The following KPNA6 variants were observed in gnomAD, a reference collection of about 807,000 sequenced individuals.
KPNA6 encodes the protein karyopherin subunit alpha 6, also known as importin subunit alpha-7.
KPNA6 carries 9 observed loss-of-function variants against 72.0 expected under a neutral mutation model. The ratio of observed to expected loss-of-function variants is 0.13; its 90% CI spans 0.08 to 0.22. The LOEUF is 0.22. Ranked by LOEUF, KPNA6 falls within the 10% of genes least tolerant of loss-of-function variation. The probability of loss-of-function intolerance (pLI) is 1.00; values close to 1 mark genes in which losing one functional copy is unlikely to be tolerated. For missense variants in KPNA6, 374 were observed against 655.7 expected (o/e 0.57, Z 4.69); for synonymous variants, 219 against 242.1 (o/e 0.90, Z 0.89).
At chr1:32,162,605 G>C (rs1197076636) in intron 9 of KPNA6, 81 bp downstream of exon 9, 2 of 1,473,372 alleles carry the variant, frequency 1.4e-6, no homozygotes, top group East Asian at 2.3e-5. Flanking sequence ...GGGATGCCAA[G>C]GTGGGCGGAT....
rs1642165818 is a variant in KPNA6 at position 32,157,529 on chromosome 1, C to G, written c.331+84C>G. On this transcript the variant is annotated intron_variant, in intron 4 of 13. Transcript: ENST00000373625. ...CTGATGTCATCAACTTACACGTGCC[C>G]TCACTCATTCTGCTCTAGCCCTACT... 4 of 931,880 alleles carry G rather than the reference C, an allele frequency of 4.3e-6. No individual in the cohort carries two copies. In the Admixed American group the frequency reaches 7.9e-5, roughly 18 times the overall value. 57.7% of individuals were successfully genotyped at this position (931,880 alleles called of 1,614,324 possible).
Position 32,137,090 on chromosome 1 carries a change from G to A in KPNA6, c.5-17498G>A, listed in dbSNP as rs563530713. ...GTGCTCATTTTACTTTATTTTGGAT[G>A]ACGGGTAGCTGACATGCCAAAATGC... On this transcript the variant is annotated intron_variant, in intron 1 of 13. Transcript: ENST00000373625. 2.6e-5 allele frequency among the ~76,000 whole-genome samples: 4 copies of A among 152,252 alleles called. No homozygotes were observed. The South Asian group carries it at 8.3e-4, about 32-fold the overall frequency.
In KPNA6 at chr1:32,172,915, T is replaced by A; in HGVS notation, c.*2021T>A. The stretch of plus-strand genomic sequence containing the variant: ...TATAGACCTAAAGTTCAGGTACTTA[T>A]TATTGGCCATTGATCTTGAATTTGC... On this transcript the variant is annotated 3_prime_UTR_variant, in exon 14 of 14. Coordinates refer to ENST00000373625, the MANE Select transcript of KPNA6 (RefSeq NM_012316.5). The A allele has an allele frequency of 5.0e-6, 2 of 396,054 alleles. No homozygotes were observed. Among genetic ancestry groups the A allele is most frequent in the Non-Finnish European group, 8.9e-6 (2 of 225,050 alleles). The allele number at this position is 396,054 out of a possible 1,614,324, so 24.5% of individuals were successfully genotyped here.
In KPNA6 at chr1:32,173,043, G is replaced by A. The variant is rs867038416; in HGVS notation, c.*2149G>A. 1 of 398,172 alleles carries A rather than the reference G, an allele frequency of 2.5e-6. No homozygotes were observed. The highest frequency in any genetic ancestry group is 2.1e-5 in the African/African-American group (1 of 48,574). The allele number at this position is 398,172 out of a possible 1,614,324, so 24.7% of individuals were successfully genotyped here. The stretch of plus-strand genomic sequence containing the variant: ...AATCCCACCCATGTTGTACCACCTT[G>A]GTGAGTCATATGCCACTCATCAGCT... On this transcript the variant is annotated 3_prime_UTR_variant, in exon 14 of 14. Transcript: ENST00000373625.
At chr1:32,168,894 A>C (rs1642385213) in intron 12 of KPNA6, among the ~76,000 whole-genome samples, 1 of 152,148 alleles carries the variant, frequency 6.6e-6, no homozygotes, top group African/African-American at 2.4e-5. Flanking sequence ...AGCCTGTGAA[A>C]AATTTTATGC....
intron 1 of KPNA6, among the ~76,000 whole-genome samples, chr1:32,119,972 G>C (rs935045619): frequency 1.3e-5 from 2 of 151,520 alleles, no homozygotes; most frequent in Non-Finnish European, 2.9e-5. Context: ...TTCTGACCTC[G>C]TGATTCACCT....
chr1:32,168,603 A>C (rs1642379771), intron 12 of KPNA6, among the ~76,000 whole-genome samples: 1 of 152,230 alleles, frequency 6.6e-6, no homozygotes, highest in African/African-American at 2.4e-5. Context: ...GTATATATAA[A>C]GTCTTAGGAG....
chr1:32,137,752 A>G (rs1360611317), intron 1 of KPNA6, among the ~76,000 whole-genome samples: 1 of 152,170 alleles, frequency 6.6e-6, no homozygotes, highest in African/African-American at 2.4e-5. Context: ...ATTTGGAGTA[A>G]CAGATAAAAA....
intron 1 of KPNA6, among the ~76,000 whole-genome samples, chr1:32,143,662 T>C (rs1291346568): frequency 1.3e-5 from 2 of 151,972 alleles, no homozygotes; most frequent in Non-Finnish European, 2.9e-5. Flanking sequence ...ACAGTGGCAT[T>C]AATTACAGTT....
At chr1:32,166,313 A>C in intron 11 of KPNA6, 83 bp downstream of exon 11, 1 of 1,489,838 alleles carries the variant, frequency 6.7e-7, no homozygotes, top group Non-Finnish European at 9.0e-7. Flanking sequence ...CAGAAGAAAG[A>C]ATTTGTTTCC....
chr1:32,112,884 A>C lies in KPNA6; in HGVS notation c.4+4750A>C, dbSNP rs191374439. ...TTTGCTGGTGGAGGGTCTTACCTTG[A>C]TGTTGATGGCTGCTGAGACTGATCA... On this transcript the variant is annotated intron_variant, in intron 1 of 13. Transcript: ENST00000373625. Among the ~76,000 whole-genome samples, 236 of 152,266 alleles carry C rather than the reference A, an allele frequency of 1.5e-3. 1 individual carries two copies. The highest frequency in any genetic ancestry group is 5.6e-3 in the African/African-American group (233 of 41,548).
chr1:32,111,379 C>T (rs1641241396), intron 1 of KPNA6, among the ~76,000 whole-genome samples: 1 of 152,170 alleles, frequency 6.6e-6, no homozygotes, highest in Non-Finnish European at 1.5e-5. Context: ...GAAAGTTCTT[C>T]AGTGGAGCAA....
intron 2 of KPNA6, among the ~76,000 whole-genome samples, chr1:32,156,602 G>A (rs967097029): frequency 6.6e-5 from 10 of 152,132 alleles, no homozygotes; most frequent in African/African-American, 2.2e-4. Flanking sequence ...ACTCAGAATG[G>A]CATGCAATTT....
intron 3 of KPNA6, 104 bp downstream of exon 3, chr1:32,157,049 C>A: frequency 1.3e-6 from 1 of 794,414 alleles, no homozygotes; most frequent in South Asian, 1.6e-5. Flanking sequence ...GTAACCATGA[C>A]AAGTTCTTTC....
At chr1:32,115,683 C>T (rs1641317694) in intron 1 of KPNA6, among the ~76,000 whole-genome samples, 1 of 152,140 alleles carries the variant, frequency 6.6e-6, no homozygotes, top group Non-Finnish European at 1.5e-5. Flanking sequence ...CCTCAGCCTC[C>T]AAAGCCACTG....
intron 1 of KPNA6, among the ~76,000 whole-genome samples, chr1:32,124,323 A>G (rs1641493032): frequency 6.6e-6 from 1 of 151,944 alleles, no homozygotes; most frequent in Non-Finnish European, 1.5e-5. Context: ...TAGTGAGCCA[A>G]TATCACACCA....
At position 32,162,447 on chromosome 1, in the gene KPNA6, T is replaced by C. The variant is rs773458541; in HGVS notation, c.834T>C (p.Tyr278=). Residue 278 remains tyrosine, a synonymous_variant, in exon 9 of 14, where the codon TAT becomes TAC. Coordinates refer to ENST00000373625, the MANE Select transcript of KPNA6 (RefSeq NM_012316.5). The part of the protein sequence containing the change: ...LLADACWALS[Y]LSDGPNEKIQ... The stretch of plus-strand genomic sequence containing the variant: ...CAGATGCTTGCTGGGCCCTTTCTTA[T>C]CTGTCTGATGGCCCCAATGAGAAGA... 6 of 1,614,112 alleles carry C rather than the reference T, an allele frequency of 3.7e-6. No homozygotes were observed. In the South Asian group the frequency reaches 4.4e-5, roughly 12 times the overall value.
At chr1:32,161,201 A>G (rs1356079765) in intron 7 of KPNA6, among the ~76,000 whole-genome samples, 1 of 152,074 alleles carries the variant, frequency 6.6e-6, no homozygotes, top group Non-Finnish European at 1.5e-5. Flanking sequence ...CTTGTTCCTC[A>G]CTTCATGGCA....
At chr1:32,167,413 C>T in intron 12 of KPNA6, 117 bp downstream of exon 12, 7 of 1,131,836 alleles carry the variant, frequency 6.2e-6, no homozygotes, top group Non-Finnish European at 8.9e-6. Context: ...CCTAGTCTCA[C>T]TGTAATAGAA....
Sources: allele counts gnomAD v4.1 joint callset (sites outside exome capture counted in the v4.1 genomes callset), GRCh38; gene constraint gnomAD v4.1.1; transcripts MANE v1.5; gene names NCBI Gene and HGNC (gene_info 2026-07-23, HGNC 2026-07-21).